The following PIAS1 variants were observed in gnomAD, a reference collection of about 807,000 sequenced individuals.
PIAS1 encodes the protein E3 SUMO-protein ligase PIAS1.
PIAS1 carries 6 observed loss-of-function variants against 71.3 expected under a neutral mutation model. That is an observed-to-expected ratio of 0.08 (90% CI 0.05 to 0.17). PIAS1 has a LOEUF of 0.17. Ranked by LOEUF, PIAS1 falls within the 10% of genes least tolerant of loss-of-function variation. PIAS1 has a pLI of 1.00. For synonymous variants in PIAS1, 303 were observed against 292.9 expected (o/e 1.03, Z -0.35); for missense variants, 555 against 793.6 (o/e 0.70, Z 3.61).
At position 68,189,851 on chromosome 15, in the gene PIAS1, G is replaced by A. The variant is rs761629113; in HGVS notation, c.*2016G>A. The A allele has an allele frequency of 4.6e-5, 7 of 152,016 alleles. No individual in the cohort carries two copies. The highest frequency in any genetic ancestry group is 9.7e-5 in the African/African-American group (4 of 41,388). The allele number at this position is 152,016 out of a possible 1,614,324, so 9.4% of individuals were successfully genotyped here. A position where few individuals can be genotyped will look rare whatever the true frequency, so the allele number is the denominator to read the frequency against. Reference sequence around the variant, plus strand: ...TCTGGCATTATAGTGAGCAAATGTCGTATTAATTTAGGCTAATTTCTAATA... The same window carrying A: ...TCTGGCATTATAGTGAGCAAATGTCATATTAATTTAGGCTAATTTCTAATA... On this transcript the variant is annotated 3_prime_UTR_variant, in exon 14 of 14. Transcript: ENST00000249636.
At chr15:68,123,910 G>A (rs1287322524) in intron 2 of PIAS1, among the ~76,000 whole-genome samples, 2 of 151,958 alleles carry the variant, frequency 1.3e-5, no homozygotes, top group Non-Finnish European at 2.9e-5. Context: ...ATTATAGGCG[G>A]AAAACACAGG....
intron 2 of PIAS1, among the ~76,000 whole-genome samples, chr15:68,104,721 A>G (rs997659773): frequency 1.3e-5 from 2 of 152,268 alleles, no homozygotes; most frequent in Non-Finnish European, 1.5e-5. Flanking sequence ...GAAATGATAA[A>G]TGTTTGAGGT....
chr15:68,156,609 T>C (rs2092891042), intron 7 of PIAS1, among the ~76,000 whole-genome samples: 1 of 151,004 alleles, frequency 6.6e-6, no homozygotes, highest in Admixed American at 6.6e-5. Context: ...CTCGGAAGGC[T>C]GAGGCACGAG....
intron 2 of PIAS1, among the ~76,000 whole-genome samples, chr15:68,114,060 ACT>A (rs917882441): frequency 3.3e-5 from 2 of 60,580 alleles, no homozygotes; most frequent in South Asian, 3.7e-4. Context: ...ACACACACAC[ACT>A]TATATACATG....
chr15:68,153,496 A>C, intron 6 of PIAS1, 94 bp from the exon 7 acceptor site: 1 of 623,604 alleles, frequency 1.6e-6, no homozygotes, highest in Middle Eastern at 3.6e-4. Context: ...TGTTTTAAGA[A>C]GTGTTAGTTT....
chr15:68,177,403 C>T (rs2141095185), intron 11 of PIAS1, among the ~76,000 whole-genome samples: 1 of 152,194 alleles, frequency 6.6e-6, no homozygotes, highest in South Asian at 2.1e-4. Flanking sequence ...AAAATTCACC[C>T]CAAGTTGAGT....
chr15:68,059,336 TGTTTGCAGACATGTACCAAA>T (rs1282977002), intron 1 of PIAS1, among the ~76,000 whole-genome samples: 6 of 152,040 alleles, frequency 3.9e-5, no homozygotes, highest in Non-Finnish European at 7.4e-5. Flanking sequence ...TTTTGCAGTG[TGTTTGCAGACATGTACCAAA>T]GTTTGCAGAT....
At chr15:68,074,354 A>G (rs1030786964) in intron 1 of PIAS1, among the ~76,000 whole-genome samples, 6 of 152,106 alleles carry the variant, frequency 3.9e-5, no homozygotes, top group Non-Finnish European at 7.4e-5. Context: ...TTATTTTTAG[A>G]CAGGGTCATG....
At chr15:68,071,741 G>A (rs2092099280) in intron 1 of PIAS1, among the ~76,000 whole-genome samples, 1 of 151,592 alleles carries the variant, frequency 6.6e-6, no homozygotes, top group East Asian at 2.0e-4. Context: ...GACGTGGGGC[G>A]GAACACTTGA....
rs954996283 is a variant in PIAS1 at position 68,185,788 on chromosome 15, C to G, written c.1663-1754C>G. Among the ~76,000 whole-genome samples, 2 of 152,012 alleles carry G rather than the reference C, an allele frequency of 1.3e-5. No homozygotes were observed. Among genetic ancestry groups the G allele is most frequent in the Non-Finnish European group, 2.9e-5 (2 of 68,016 alleles). ...ACCAGCCTGACCAACATGGTGAAAC[C>G]CCGTCTCTACTAAAAATACAAAAAT... On this transcript the variant is annotated intron_variant, in intron 13 of 13. Coordinates refer to ENST00000249636, the MANE Select transcript of PIAS1 (RefSeq NM_016166.3). The surrounding 1 kb of genome is among the most constrained non-coding windows in gnomAD (Gnocchi z 4.4).
chr15:68,187,724 G>A lies in PIAS1; in HGVS notation c.1845G>A (p.Leu615=). 1 of 1,613,930 alleles carries A rather than the reference G, an allele frequency of 6.2e-7. No individual in the cohort carries two copies. The highest frequency in any genetic ancestry group is 8.5e-7 in the Non-Finnish European group (1 of 1,179,858). Residue 615 remains leucine, a synonymous_variant, in exon 14 of 14, where the codon CTG becomes CTA. Coordinates refer to ENST00000249636, the MANE Select transcript of PIAS1 (RefSeq NM_016166.3). The surrounding 1 kb of genome is among the most constrained non-coding windows in gnomAD (Gnocchi z 5.3). The part of the protein sequence containing the change: ...NGSSSGSNSS[L]VSSNSLRESH... ...GCAGTAGTGGCAGTAACAGCAGCCT[G>A]GTTTCTTCCAACAGCCTAAGGGAAA... is the stretch of plus-strand genomic sequence containing the variant.
chr15:68,064,811 T>C (rs2091999168), intron 1 of PIAS1, among the ~76,000 whole-genome samples: 1 of 152,214 alleles, frequency 6.6e-6, no homozygotes, highest in African/African-American at 2.4e-5. Context: ...TTAAGCTAGA[T>C]GTTAAAGAGA....
At chr15:68,065,585 C>T (rs1018416108) in intron 1 of PIAS1, among the ~76,000 whole-genome samples, 2 of 121,582 alleles carry the variant, frequency 1.6e-5, no homozygotes, top group Non-Finnish European at 3.4e-5. Flanking sequence ...GACCCTGTCT[C>T]GAGAAAAAAA....
intron 1 of PIAS1, chr15:68,061,453 A>C (rs1012064571): frequency 6.6e-6 from 1 of 152,224 alleles, no homozygotes; most frequent in African/African-American, 2.4e-5. Context: ...TTTTCTGGTA[A>C]GTCTTCATTC....
At chr15:68,180,946 G>A (rs1025408019) in intron 11 of PIAS1, among the ~76,000 whole-genome samples, 1 of 152,182 alleles carries the variant, frequency 6.6e-6, no homozygotes, top group African/African-American at 2.4e-5. Flanking sequence ...CATAGGTGAT[G>A]ATATTCCAAA....
intron 7 of PIAS1, among the ~76,000 whole-genome samples, chr15:68,164,410 TATAAA>T (rs1435584388): frequency 1.3e-5 from 2 of 152,120 alleles, no homozygotes; most frequent in African/African-American, 2.4e-5. Flanking sequence ...ATCTTAGAGT[TATAAA>T]AGAAAAAGGG....
At chr15:68,138,736 A>T (rs1038730991) in intron 2 of PIAS1, among the ~76,000 whole-genome samples, 1 of 152,074 alleles carries the variant, frequency 6.6e-6, no homozygotes, top group Non-Finnish European at 1.5e-5. Context: ...CAGTCTCCCA[A>T]AGTGCTGGGA....
Position 68,188,922 on chromosome 15 carries a change from T to A in PIAS1, c.*1087T>A, listed in dbSNP as rs1274993094. The A allele has an allele frequency of 6.6e-6, 1 of 152,214 alleles. No homozygotes were observed. The highest frequency in any genetic ancestry group is 2.4e-5 in the African/African-American group (1 of 41,460). The allele number at this position is 152,214 out of a possible 1,614,324, so 9.4% of individuals were successfully genotyped here. ...AAAAAGAAAGATACACGGTCAGTTA[T>A]CCTAAAAATAAATTGTTTGGAAAGT... On this transcript the variant is annotated 3_prime_UTR_variant, in exon 14 of 14. Transcript: ENST00000249636.
intron 8 of PIAS1, among the ~76,000 whole-genome samples, chr15:68,170,204 G>C (rs1435300793): frequency 2.0e-5 from 3 of 152,134 alleles, no homozygotes; most frequent in Non-Finnish European, 2.9e-5. Context: ...CTTAATGATA[G>C]GGATACCTTT....
Sources: gnomAD v4.1 joint callset for allele counts (sites outside exome capture counted in the v4.1 genomes callset) on GRCh38, gnomAD v4.1.1 for gene constraint, Gnocchi (gnomAD v3.1) non-coding constraint, MANE v1.5 for transcripts, NCBI Gene and HGNC (gene_info 2026-07-23, HGNC 2026-07-21) for gene names.